The following ATIC variants were observed in gnomAD, a reference collection of about 807,000 sequenced individuals.
The protein encoded by ATIC is 5-aminoimidazole-4-carboxamide ribonucleotide formyltransferase/IMP cyclohydrolase.
A neutral mutation model predicts 72.5 loss-of-function variants in ATIC; 64 were observed. That is an observed-to-expected ratio of 0.88 (90% CI 0.72 to 1.09). The LOEUF (loss-of-function observed/expected upper bound fraction) is 1.09, where lower values mean the gene tolerates loss of function less well. Among genes scored for constraint, ATIC ranks in the 50% least tolerant of loss-of-function variants. The probability of loss-of-function intolerance (pLI) is 0.00; values close to 1 mark genes in which losing one functional copy is unlikely to be tolerated. For missense variants in ATIC, 787 were observed against 732.4 expected (o/e 1.07, Z -0.86); for synonymous variants, 281 against 267.1 (o/e 1.05, Z -0.51).
chr2:215,346,347 TG>T (rs1279853480), intron 13 of ATIC, among the ~76,000 whole-genome samples: 1 of 152,056 alleles, frequency 6.6e-6, no homozygotes, highest in Admixed American at 6.6e-5. Context: ...TCTTATTTTT[TG>T]TAGAGATGAG....
chr2:215,312,759 C>A, intron 2 of ATIC, 135 bp downstream of exon 2: 20 of 1,365,592 alleles, frequency 1.5e-5, no homozygotes, highest in Non-Finnish European at 1.9e-5. Context: ...TACTTCCCCA[C>A]TTTATGGGGA....
chr2:215,328,812 G>A (rs902326336), intron 7 of ATIC, among the ~76,000 whole-genome samples: 3 of 151,828 alleles, frequency 2.0e-5, no homozygotes, highest in Non-Finnish European at 4.4e-5. Context: ...CCACCTCCCG[G>A]GTTGAAGTGA....
chr2:215,342,852 G>C (rs529013310), intron 12 of ATIC, among the ~76,000 whole-genome samples: 1 of 152,090 alleles, frequency 6.6e-6, no homozygotes, highest in African/African-American at 2.4e-5. Context: ...GCTAATCTTT[G>C]TATTTTCAGT....
At chr2:215,353,853 C>G (rs970131215), downstream of ATIC, among the ~76,000 whole-genome samples, 13 of 151,704 alleles carry the variant, frequency 8.6e-5, no homozygotes, top group African/African-American at 3.1e-4. Context: ...TGAGCCACTG[C>G]ACCTGGCCAA....
intron 9 of ATIC, among the ~76,000 whole-genome samples, chr2:215,333,859 G>A (rs939897111): frequency 2.0e-5 from 3 of 151,822 alleles, no homozygotes; most frequent in Non-Finnish European, 2.9e-5. Context: ...TGGCTAACAC[G>A]GTGAAACCCC....
chr2:215,365,675 T>G, the ATIC span: 1 of 1,605,780 alleles, frequency 6.2e-7, no homozygotes, highest in Non-Finnish European at 8.5e-7. Context: ...ATTTGTATAT[T>G]CTGACTCACA....
At position 215,319,684 on chromosome 2, in the gene ATIC, T is replaced by C; in HGVS notation, c.243T>C (p.Ile81=). Residue 81 remains isoleucine, a synonymous_variant, in exon 4 of 16, where the codon ATT becomes ATC. Transcript: ENST00000236959. ...AVHAGILARN[I]PEDNADMARL... ...AATTAGGAATCCTAGCTCGTAATAT[T>C]CCAGAAGATAATGCTGACATGGCCA... is the stretch of plus-strand genomic sequence containing the variant. The C allele has an allele frequency of 6.2e-7, 1 of 1,611,916 alleles. No individual in the cohort carries two copies. The highest frequency in any genetic ancestry group is 8.5e-7 in the Non-Finnish European group (1 of 1,178,006).
At chr2:215,342,868 C>A (rs759038134) in intron 12 of ATIC, among the ~76,000 whole-genome samples, 1 of 152,122 alleles carries the variant, frequency 6.6e-6, no homozygotes, top group Non-Finnish European at 1.5e-5. Flanking sequence ...TCAGTAGAGA[C>A]GGGGTTTCAC....
Position 215,314,018 on chromosome 2 carries a change from A to G in ATIC, c.146+1394A>G, listed in dbSNP as rs535791322. On this transcript the variant is annotated intron_variant, in intron 2 of 15. Transcript: ENST00000236959. ...TTTTTTCCCCACCAAACTTTGTATT[A>G]TGGAAACATTTCAGACACAATCAAA... Among the ~76,000 whole-genome samples the G allele has an allele frequency of 2.0e-5, 3 of 152,266 alleles. No homozygotes were observed. The South Asian group carries it at 6.2e-4, about 32-fold the overall frequency.
downstream of ATIC, among the ~76,000 whole-genome samples, chr2:215,354,733 T>C (rs2053153663): frequency 6.6e-6 from 1 of 151,728 alleles, no homozygotes; most frequent in Non-Finnish European, 1.5e-5. Flanking sequence ...TGGTATCATC[T>C]TTCTAGCTTT....
chr2:215,358,431 C>T, the ATIC span, among the ~76,000 whole-genome samples: 2 of 151,980 alleles, frequency 1.3e-5, no homozygotes, highest in Admixed American at 6.6e-5. Flanking sequence ...TCAATAAAAA[C>T]GGCAAAAGAT....
chr2:215,322,046 G>C (rs2052773149), intron 4 of ATIC, among the ~76,000 whole-genome samples: 1 of 151,894 alleles, frequency 6.6e-6, no homozygotes, highest in South Asian at 2.1e-4. Flanking sequence ...GGTTACAGGT[G>C]CCCGCCACCA....
chr2:215,325,369 G>A, intron 5 of ATIC, 40 bp downstream of exon 5: 1 of 1,461,386 alleles, frequency 6.8e-7, no homozygotes. Flanking sequence ...GAGAGGAGAG[G>A]ATTATTTAAA....
At chr2:215,353,423 G>T (rs185704166), downstream of ATIC, among the ~76,000 whole-genome samples, 747 of 152,046 alleles carry the variant, frequency 4.9e-3, 8 homozygotes, top group African/African-American at 0.017. Context: ...TTTAAGACCA[G>T]ACTTTCTAAG....
chr2:215,326,235 C>CCAAG, intron 6 of ATIC, 97 bp downstream of exon 6: 1 of 1,454,164 alleles, frequency 6.9e-7, no homozygotes, highest in Non-Finnish European at 9.6e-7. Flanking sequence ...GCATTACCTA[C>CCAAG]CAAAGCTTTG....
chr2:215,321,724 T>C (rs1000091641), intron 4 of ATIC, among the ~76,000 whole-genome samples: 4 of 152,242 alleles, frequency 2.6e-5, no homozygotes, highest in African/African-American at 7.2e-5. Context: ...TTCCAAATAA[T>C]GTGGAACACC....
chr2:215,357,003 C>T, the ATIC span, among the ~76,000 whole-genome samples: 1 of 152,090 alleles, frequency 6.6e-6, no homozygotes. Context: ...GAAGAGCTGC[C>T]AGGCTGTTTC....
chr2:215,354,030 CT>C (rs201168218), downstream of ATIC, among the ~76,000 whole-genome samples: 3 of 150,746 alleles, frequency 2.0e-5, no homozygotes, highest in Non-Finnish European at 3.0e-5. Flanking sequence ...TGTCAGGAAA[CT>C]TTTTTTTTGA....
rs942274537 is a variant in ATIC, at chr2:215,333,692, A to G, written c.922+235A>G. Among the ~76,000 whole-genome samples, 4 of 152,158 alleles carry G rather than the reference A, an allele frequency of 2.6e-5. No individual in the cohort carries two copies. In the East Asian group the frequency reaches 7.7e-4, roughly 29 times the overall value. On this transcript the variant is annotated intron_variant, in intron 9 of 15. Coordinates refer to ENST00000236959, the MANE Select transcript of ATIC (RefSeq NM_004044.7). ...GATTTCCTATTTAATTTGTTTTATTAATATTTGAGATTGATTCTGTGAGTA... is the reference window on the plus strand; with the variant it reads ...GATTTCCTATTTAATTTGTTTTATTGATATTTGAGATTGATTCTGTGAGTA...
Sources: allele counts gnomAD v4.1 joint callset (sites outside exome capture counted in the v4.1 genomes callset), GRCh38; gene constraint gnomAD v4.1.1; transcripts MANE v1.5; gene names NCBI Gene and HGNC (gene_info 2026-07-23, HGNC 2026-07-21).